CEP128: variants seen among roughly 807,000 people sequenced by gnomAD.
CEP128 encodes centrosomal protein 128.
A neutral mutation model predicts 156.7 loss-of-function variants in CEP128; 132 were observed. The ratio of observed to expected loss-of-function variants is 0.84; its 90% CI spans 0.73 to 0.97. The LOEUF (loss-of-function observed/expected upper bound fraction) is 0.97. Ranked by LOEUF, CEP128 falls within the 50% of genes least tolerant of loss-of-function variation. The pLI is 0.00. For missense variants in CEP128, 1,252 were observed against 1,281.9 expected, an observed-to-expected ratio of 0.98 and a Z score of 0.36; for synonymous variants, 469 against 448.9, an observed-to-expected ratio of 1.04 and a Z score of -0.57.
chr14:80,557,637 T>C (rs1368207891), intron 21 of CEP128, among the ~76,000 whole-genome samples: 1 of 152,166 alleles, frequency 6.6e-6, no homozygotes, highest in Non-Finnish European at 1.5e-5. Flanking sequence ...AAACTGAGAA[T>C]AGTGTACTTT....
In CEP128 at chr14:80,784,558, G is replaced by A. The variant is rs539825643; in HGVS notation, c.2211+337C>T. ...TGGTTATAGCTTCTCTGGCCTTGACGAGTCTTTGCCTTTTATATTTTAGGA... is the reference window on the plus strand; with the variant it reads ...TGGTTATAGCTTCTCTGGCCTTGACAAGTCTTTGCCTTTTATATTTTAGGA... On this transcript the variant is annotated intron_variant, in intron 15 of 24. Coordinates refer to ENST00000555265, the MANE Select transcript of CEP128 (RefSeq NM_152446.5). Among the ~76,000 whole-genome samples the A allele has an allele frequency of 7.9e-5, 12 of 152,218 alleles. No individual in the cohort carries two copies. In the South Asian group the frequency reaches 2.3e-3, roughly 29 times the overall value.
At chr14:80,735,879 T>A (rs1185636448) in intron 19 of CEP128, among the ~76,000 whole-genome samples, 1 of 152,138 alleles carries the variant, frequency 6.6e-6, no homozygotes, top group Non-Finnish European at 1.5e-5. Context: ...TCATATTGAA[T>A]CCTACTCTGC....
intron 4 of CEP128, among the ~76,000 whole-genome samples, chr14:80,906,922 T>C (rs1023898948): frequency 9.9e-5 from 15 of 152,168 alleles, no homozygotes; most frequent in Non-Finnish European, 8.8e-5. Context: ...GTAATAATTT[T>C]AAACATAATG....
At chr14:80,615,357 T>C (rs1370742804) in intron 19 of CEP128, among the ~76,000 whole-genome samples, 1 of 152,190 alleles carries the variant, frequency 6.6e-6, no homozygotes, top group African/African-American at 2.4e-5. Flanking sequence ...CCCTCTTGGC[T>C]AGCCAGGTAA....
At chr14:80,729,503 C>A (rs918623273) in intron 19 of CEP128, among the ~76,000 whole-genome samples, 2 of 151,986 alleles carry the variant, frequency 1.3e-5, no homozygotes, top group African/African-American at 4.8e-5. Flanking sequence ...AGTCTTTTTT[C>A]ATATAATTTC....
At chr14:80,741,741 A>C (rs1440935644) in intron 19 of CEP128, among the ~76,000 whole-genome samples, 1 of 152,208 alleles carries the variant, frequency 6.6e-6, no homozygotes, top group Admixed American at 6.5e-5. Context: ...GTAAGTTTCT[A>C]AGATGGTAAA....
At chr14:80,826,090 A>T (rs912954716) in intron 13 of CEP128, among the ~76,000 whole-genome samples, 2 of 135,348 alleles carry the variant, frequency 1.5e-5, no homozygotes, top group Non-Finnish European at 3.0e-5. Context: ...TGGGTGACAG[A>T]GCGAGATTCT....
At chr14:80,498,801 T>C (rs1887610043) in intron 24 of CEP128, among the ~76,000 whole-genome samples, 1 of 152,224 alleles carries the variant, frequency 6.6e-6, no homozygotes, top group Non-Finnish European at 1.5e-5. Context: ...CACTGCTGTA[T>C]ACTCCAGAAC....
chr14:80,597,274 G>T (rs1189205910), intron 19 of CEP128, among the ~76,000 whole-genome samples: 1 of 152,114 alleles, frequency 6.6e-6, no homozygotes, highest in Non-Finnish European at 1.5e-5. Flanking sequence ...AGGTCCTGCT[G>T]ATATGAGAAG....
At chr14:80,721,079 A>G (rs938963685) in intron 19 of CEP128, among the ~76,000 whole-genome samples, 1 of 152,242 alleles carries the variant, frequency 6.6e-6, no homozygotes, top group Non-Finnish European at 1.5e-5. Flanking sequence ...CAAAGAATCT[A>G]TGAAAATAAT....
intron 21 of CEP128, among the ~76,000 whole-genome samples, chr14:80,554,913 T>A (rs1890364616): frequency 6.6e-6 from 1 of 152,102 alleles, no homozygotes; most frequent in Non-Finnish European, 1.5e-5. Context: ...ATCCCTTGAT[T>A]TTGCTCTTTC....
chr14:80,717,905 C>A (rs1353182988), intron 19 of CEP128, among the ~76,000 whole-genome samples: 2 of 152,182 alleles, frequency 1.3e-5, no homozygotes, highest in African/African-American at 2.4e-5. Flanking sequence ...GCCTCGACCT[C>A]TCAGGCTCAA....
chr14:80,899,632 G>T (rs905956654), intron 7 of CEP128, among the ~76,000 whole-genome samples: 26 of 152,072 alleles, frequency 1.7e-4, no homozygotes, highest in Non-Finnish European at 3.8e-4. Flanking sequence ...CGGTCTTTGT[G>T]TCTCTCTCTC....
At chr14:80,593,622 A>G (rs1008348769) in intron 19 of CEP128, among the ~76,000 whole-genome samples, 3 of 152,244 alleles carry the variant, frequency 2.0e-5, no homozygotes, top group African/African-American at 7.2e-5. Context: ...ACTTCAGCAA[A>G]GTCTCAGGAT....
At chr14:80,538,365 G>A (rs1013255922) in intron 21 of CEP128, among the ~76,000 whole-genome samples, 7 of 152,150 alleles carry the variant, frequency 4.6e-5, no homozygotes, top group Non-Finnish European at 1.0e-4. Flanking sequence ...TAATAGAAGT[G>A]TAATAGCACA....
intron 19 of CEP128, among the ~76,000 whole-genome samples, chr14:80,630,212 G>A (rs992385494): frequency 6.6e-6 from 1 of 151,816 alleles, no homozygotes; most frequent in Non-Finnish European, 1.5e-5. Context: ...TACAAACTAA[G>A]GTGGATACTT....
At chr14:80,604,061 C>G (rs377497023) in intron 19 of CEP128, among the ~76,000 whole-genome samples, 11 of 152,288 alleles carry the variant, frequency 7.2e-5, no homozygotes, top group Non-Finnish European at 1.3e-4. Flanking sequence ...TTTTCTAGTT[C>G]TATACATTCT....
intron 19 of CEP128, among the ~76,000 whole-genome samples, chr14:80,657,982 T>C (rs779681435): frequency 2.9e-4 from 44 of 150,996 alleles, no homozygotes; most frequent in Admixed American, 6.6e-4. Context: ...CCATTGAATA[T>C]CTATTCTACC....
intron 21 of CEP128, among the ~76,000 whole-genome samples, chr14:80,557,081 T>A (rs996356189): frequency 6.6e-6 from 1 of 152,198 alleles, no homozygotes; most frequent in African/African-American, 2.4e-5. Flanking sequence ...TTTAATCAAT[T>A]TTATTTTTCC....
Sources: gnomAD v4.1 joint callset for allele counts (sites outside exome capture counted in the v4.1 genomes callset) on GRCh38, gnomAD v4.1.1 for gene constraint, MANE v1.5 for transcripts, NCBI Gene and HGNC (gene_info 2026-07-23, HGNC 2026-07-21) for gene names.